Variants in RALGPS2 observed in about 807,000 individuals in gnomAD.
RALGPS2 encodes ras-specific guanine nucleotide-releasing factor RalGPS2.
A neutral mutation model predicts 86.8 loss-of-function variants in RALGPS2; 43 were observed. The ratio of observed to expected loss-of-function variants is 0.50; its 90% CI spans 0.39 to 0.64. RALGPS2 has a LOEUF of 0.64. Among genes scored for constraint, RALGPS2 ranks in the 30% least tolerant of loss-of-function variants. The pLI, the probability that RALGPS2 is intolerant of heterozygous loss-of-function variation, is 0.00. For synonymous variants in RALGPS2, 243 were observed against 231.3 expected, an observed-to-expected ratio of 1.05 and a Z score of -0.46; for missense variants, 536 against 694.6, an observed-to-expected ratio of 0.77 and a Z score of 2.57.
At chr1:178,861,559 T>C (rs1478216994) in intron 8 of RALGPS2, among the ~76,000 whole-genome samples, 1 of 152,120 alleles carries the variant, frequency 6.6e-6, no homozygotes, top group Non-Finnish European at 1.5e-5. Context: ...AAAATGTGAA[T>C]AGTGATTTCT....
intron 1 of RALGPS2, among the ~76,000 whole-genome samples, chr1:178,745,846 T>C (rs1651292361): frequency 8.0e-6 from 1 of 124,874 alleles, no homozygotes. Context: ...TTTTTTTTTT[T>C]GAGATTCATT....
intron 1 of RALGPS2, among the ~76,000 whole-genome samples, chr1:178,728,402 C>CTTTTTTTTTTTTTTTT: frequency 7.7e-6 from 1 of 129,628 alleles, no homozygotes; most frequent in Non-Finnish European, 1.6e-5. Flanking sequence ...CGAAAGTATG[C>CTTTTTTTTTTTTTTTT]TTTTTTTTTT....
At chr1:178,867,147 T>G (rs1658465238) in intron 8 of RALGPS2, among the ~76,000 whole-genome samples, 1 of 152,172 alleles carries the variant, frequency 6.6e-6, no homozygotes, top group Non-Finnish European at 1.5e-5. Flanking sequence ...TTATGCCTGT[T>G]GTTAATAACA....
At chr1:178,860,681 A>G (rs1657941518) in intron 8 of RALGPS2, among the ~76,000 whole-genome samples, 1 of 152,212 alleles carries the variant, frequency 6.6e-6, no homozygotes, top group African/African-American at 2.4e-5. Flanking sequence ...ATATAAGTAG[A>G]GTCTCATACA....
At chr1:178,766,236 C>T (rs1331849730) in intron 1 of RALGPS2, among the ~76,000 whole-genome samples, 1 of 152,138 alleles carries the variant, frequency 6.6e-6, no homozygotes, top group Non-Finnish European at 1.5e-5. Flanking sequence ...TCGGCCATGG[C>T]TTCAGCCGGT....
intron 4 of RALGPS2, among the ~76,000 whole-genome samples, chr1:178,803,881 A>G (rs1654602797): frequency 6.6e-6 from 1 of 152,142 alleles, no homozygotes; most frequent in Non-Finnish European, 1.5e-5. Context: ...ACTTCTGCAG[A>G]CTTCGTTTTT....
At chr1:178,848,893 G>A (rs1016626259) in intron 8 of RALGPS2, among the ~76,000 whole-genome samples, 2 of 152,110 alleles carry the variant, frequency 1.3e-5, no homozygotes, top group African/African-American at 4.8e-5. Context: ...GCCTCCCAAA[G>A]TCTTGGGATT....
chr1:178,784,141 A>G (rs1558117962), intron 2 of RALGPS2, among the ~76,000 whole-genome samples: 1 of 152,094 alleles, frequency 6.6e-6, no homozygotes, highest in Non-Finnish European at 1.5e-5. Flanking sequence ...AAAATCATTT[A>G]TTTCTATAGG....
At chr1:178,744,548 G>A (rs1651202597) in intron 1 of RALGPS2, among the ~76,000 whole-genome samples, 1 of 152,140 alleles carries the variant, frequency 6.6e-6, no homozygotes, top group Non-Finnish European at 1.5e-5. Context: ...GGTGGCTCAT[G>A]CCTGTAATGC....
At chr1:178,738,122 T>C (rs1438536608) in intron 1 of RALGPS2, among the ~76,000 whole-genome samples, 1 of 151,718 alleles carries the variant, frequency 6.6e-6, no homozygotes, top group Non-Finnish European at 1.5e-5. Context: ...TCAAATGTGC[T>C]GGCTAGGAAC....
intron 1 of RALGPS2, among the ~76,000 whole-genome samples, chr1:178,750,900 T>C (rs1651615679): frequency 6.6e-6 from 1 of 152,206 alleles, no homozygotes. Flanking sequence ...TGAAAATCAC[T>C]AATAGCTATG....
chr1:178,821,317 A>G (rs1655494042), intron 6 of RALGPS2, among the ~76,000 whole-genome samples: 1 of 152,220 alleles, frequency 6.6e-6, no homozygotes, highest in East Asian at 1.9e-4. Flanking sequence ...TTTCATGATC[A>G]TACCATGTAA....
intron 1 of RALGPS2, among the ~76,000 whole-genome samples, chr1:178,764,840 C>A (rs997707306): frequency 6.6e-6 from 1 of 152,126 alleles, no homozygotes. Flanking sequence ...TTGTAATCCC[C>A]AGTGTTGGGG....
At chr1:178,767,184 A>G (rs556963653) in intron 1 of RALGPS2, among the ~76,000 whole-genome samples, 7 of 152,152 alleles carry the variant, frequency 4.6e-5, no homozygotes, top group South Asian at 4.1e-4. Context: ...CTTCATTCCT[A>G]TACATATTCT....
intron 6 of RALGPS2, among the ~76,000 whole-genome samples, chr1:178,815,224 GCT>G (rs1461993836): frequency 2.8e-4 from 42 of 152,006 alleles, no homozygotes; most frequent in Non-Finnish European, 5.7e-4. Context: ...GGGATTACAG[GCT>G]CACACCACCA....
intron 4 of RALGPS2, among the ~76,000 whole-genome samples, chr1:178,807,311 G>A (rs1558128288): frequency 6.6e-6 from 1 of 152,106 alleles, no homozygotes; most frequent in Admixed American, 6.5e-5. Context: ...CTCCAGCCTG[G>A]GCAACAGAGG....
chr1:178,786,067 G>C (rs1653635988), intron 4 of RALGPS2, among the ~76,000 whole-genome samples: 1 of 152,024 alleles, frequency 6.6e-6, no homozygotes, highest in African/African-American at 2.4e-5. Context: ...ATTCATTCAG[G>C]GGAAGCGGAT....
chr1:178,809,534 A>G (rs1471919770), intron 5 of RALGPS2, among the ~76,000 whole-genome samples: 1 of 152,202 alleles, frequency 6.6e-6, no homozygotes, highest in East Asian at 1.9e-4. Flanking sequence ...ATTAAAAAAA[A>G]ACAGTTTGTT....
chr1:178,812,996 G>A (rs370414621), intron 6 of RALGPS2, among the ~76,000 whole-genome samples: 9 of 146,990 alleles, frequency 6.1e-5, no homozygotes, highest in Non-Finnish European at 1.3e-4. Context: ...GCAGTGGTGC[G>A]ATCTCGGCTC....
Sources: allele counts gnomAD v4.1 joint callset (sites outside exome capture counted in the v4.1 genomes callset), GRCh38; gene constraint gnomAD v4.1.1; transcripts MANE v1.5; gene names NCBI Gene and HGNC (gene_info 2026-07-23, HGNC 2026-07-21).